PLCB1: variants seen among roughly 807,000 people sequenced by gnomAD.
PLCB1 encodes phospholipase C beta 1.
Under a neutral mutation model 161.8 loss-of-function variants are expected in PLCB1, and 46 were observed. That is an observed-to-expected ratio of 0.28 (90% confidence interval 0.22 to 0.36). The LOEUF (loss-of-function observed/expected upper bound fraction) is 0.36, where lower values mean the gene tolerates loss of function less well. Among genes scored for constraint, PLCB1 ranks in the 10% least tolerant of loss-of-function variants. PLCB1 has a pLI of 1.00. For missense variants in PLCB1, 1,016 were observed against 1,472.5 expected, an observed-to-expected ratio of 0.69 and a Z score of 5.07; for synonymous variants, 517 against 503.7, an observed-to-expected ratio of 1.03 and a Z score of -0.35.
intron 31 of PLCB1, among the ~76,000 whole-genome samples, chr20:8,836,457 C>T (rs1034093951): frequency 2.7e-5 from 2 of 75,134 alleles, no homozygotes; most frequent in African/African-American, 6.8e-5. Context: ...CTCTGGAGAA[C>T]CAAGACTGAT....
At chr20:8,614,343 T>C (rs546172052) in intron 3 of PLCB1, among the ~76,000 whole-genome samples, 5 of 150,178 alleles carry the variant, frequency 3.3e-5, no homozygotes, top group South Asian at 4.2e-4. Context: ...TATATATATA[T>C]ACACACACAT....
At chr20:8,844,634 T>C (rs1986624210) in intron 31 of PLCB1, among the ~76,000 whole-genome samples, 1 of 152,116 alleles carries the variant, frequency 6.6e-6, no homozygotes, top group Non-Finnish European at 1.5e-5. Context: ...TCCTCAGGTC[T>C]CAAGCCCTGT....
intron 31 of PLCB1, among the ~76,000 whole-genome samples, chr20:8,808,925 T>C (rs1050458966): frequency 6.6e-6 from 1 of 152,200 alleles, no homozygotes; most frequent in African/African-American, 2.4e-5. Flanking sequence ...ATGAAATAAA[T>C]TTATTCAAAA....
In PLCB1 at chr20:8,799,464, C is replaced by A. The variant is rs144527166; in HGVS notation, c.3423+9203C>A. ...GTGTGCCTGTCATTGGGCATGATTT[C>A]TGTGAATTTTGCTAATACTCATTAG... On this transcript the variant is annotated intron_variant, in intron 31 of 31. Transcript: ENST00000338037. Among the ~76,000 whole-genome samples, 493 of 152,244 alleles carry A rather than the reference C, an allele frequency of 3.2e-3. 3 individuals are homozygous for A. The highest frequency in any genetic ancestry group is 0.011 in the African/African-American group (469 of 41,544).
intron 16 of PLCB1, among the ~76,000 whole-genome samples, chr20:8,725,743 G>A (rs1016668443): frequency 6.6e-6 from 1 of 152,102 alleles, no homozygotes; most frequent in Non-Finnish European, 1.5e-5. Context: ...TGGCTGCAAT[G>A]AGTTTCTCTA....
intron 2 of PLCB1, among the ~76,000 whole-genome samples, chr20:8,262,216 G>T (rs1220062962): frequency 6.6e-6 from 1 of 151,730 alleles, no homozygotes; most frequent in East Asian, 1.9e-4. Flanking sequence ...CAAATATCTG[G>T]GACAACAGGC....
chr20:8,422,925 T>G (rs1979600359), intron 3 of PLCB1, among the ~76,000 whole-genome samples: 1 of 152,204 alleles, frequency 6.6e-6, no homozygotes, highest in Non-Finnish European at 1.5e-5. Context: ...TAAATGGCAA[T>G]GATAAAAATA....
chr20:8,540,360 T>A (rs965585589), intron 3 of PLCB1, among the ~76,000 whole-genome samples: 1 of 152,192 alleles, frequency 6.6e-6, no homozygotes, highest in Non-Finnish European at 1.5e-5. Flanking sequence ...TTTCCTCTCA[T>A]TGGCAGCTCA....
At position 8,161,127 on chromosome 20, in the gene PLCB1, T is replaced by G. The variant is rs1278734180; in HGVS notation, c.177+10756T>G. The stretch of plus-strand genomic sequence containing the variant: ...CTTGCCAGACACAATTCTAATAATA[T>G]ATAGTCTGTATATTTATAGCATATA... On this transcript the variant is annotated intron_variant, in intron 2 of 31. Coordinates refer to ENST00000338037, the MANE Select transcript of PLCB1 (RefSeq NM_015192.4). 4.6e-5 allele frequency among the ~76,000 whole-genome samples: 7 copies of G among 151,998 alleles called. 1 individual carries two copies. Among genetic ancestry groups the G allele is most frequent in the Admixed American group, 4.6e-4 (7 of 15,236 alleles).
chr20:8,557,020 T>TA (rs139489262), intron 3 of PLCB1, among the ~76,000 whole-genome samples: 43,444 of 145,202 alleles, frequency 0.3, 7,755 homozygotes, highest in African/African-American at 0.52. Context: ...ATAAAATAAA[T>TA]AAAAAAAATA....
intron 10 of PLCB1, among the ~76,000 whole-genome samples, chr20:8,690,687 A>G (rs1990457677): frequency 6.6e-6 from 1 of 152,194 alleles, no homozygotes; most frequent in South Asian, 2.1e-4. Flanking sequence ...CCTAAACCAT[A>G]ATTCCAACCT....
chr20:8,496,599 C>T (rs1380046607), intron 3 of PLCB1, among the ~76,000 whole-genome samples: 2 of 152,184 alleles, frequency 1.3e-5, no homozygotes, highest in Non-Finnish European at 2.9e-5. Flanking sequence ...GGACAAGATT[C>T]ACAGGCCATA....
intron 2 of PLCB1, among the ~76,000 whole-genome samples, chr20:8,277,605 G>A (rs1325436373): frequency 6.6e-6 from 1 of 152,082 alleles, no homozygotes; most frequent in Non-Finnish European, 1.5e-5. Flanking sequence ...CAGACATACT[G>A]AATCAGAATT....
At chr20:8,717,520 C>A in intron 13 of PLCB1, 151 bp from the exon 14 acceptor site, 1 of 494,368 alleles carries the variant, frequency 2.0e-6, no homozygotes, top group Non-Finnish European at 3.5e-6. Context: ...AAATTAGCTC[C>A]CATGTAAGAT....
At chr20:8,663,753 T>C (rs548546879) in intron 9 of PLCB1, among the ~76,000 whole-genome samples, 58 of 152,240 alleles carry the variant, frequency 3.8e-4, no homozygotes, top group Non-Finnish European at 6.9e-4. Context: ...AAAAATGCCA[T>C]GGCCTCTGGT....
chr20:8,833,562 C>T (rs1350178746), intron 31 of PLCB1, among the ~76,000 whole-genome samples: 1 of 152,072 alleles, frequency 6.6e-6, no homozygotes, highest in African/African-American at 2.4e-5. Flanking sequence ...GAGGAGGAGG[C>T]AATGTGTCCA....
At chr20:8,760,876 T>C (rs1981985504) in intron 25 of PLCB1, among the ~76,000 whole-genome samples, 1 of 152,242 alleles carries the variant, frequency 6.6e-6, no homozygotes, top group Admixed American at 6.5e-5. Context: ...GGAGTTATTT[T>C]ATATTTGGTT....
At chr20:8,873,161 G>GGTCCCATTTTCCCAC (rs55878098) in intron 31 of PLCB1, among the ~76,000 whole-genome samples, 1 of 151,866 alleles carries the variant, frequency 6.6e-6, no homozygotes, top group African/African-American at 2.4e-5. Flanking sequence ...TATAGCATGT[G>GGTCCCATTTTCCCAC]GTCACTTTCC....
intron 31 of PLCB1, among the ~76,000 whole-genome samples, chr20:8,805,793 A>G (rs1984507661): frequency 6.6e-6 from 1 of 152,220 alleles, no homozygotes; most frequent in Non-Finnish European, 1.5e-5. Flanking sequence ...TTTATGATCT[A>G]GATGTCAAAG....
Sources: gnomAD v4.1 joint callset for allele counts (sites outside exome capture counted in the v4.1 genomes callset) on GRCh38, gnomAD v4.1.1 for gene constraint, MANE v1.5 for transcripts, NCBI Gene and HGNC (gene_info 2026-07-23, HGNC 2026-07-21) for gene names.